The following CLASP2 variants were observed in gnomAD, a reference collection of about 807,000 sequenced individuals.
CLASP2 encodes CLIP-associating protein 2.
A neutral mutation model predicts 194.4 loss-of-function variants in CLASP2; 47 were observed. The ratio of observed to expected loss-of-function variants is 0.24; its 90% confidence interval spans 0.19 to 0.31. The LOEUF is 0.31. Among genes scored for constraint, CLASP2 ranks in the 10% least tolerant of loss-of-function variants. The pLI is 1.00. For missense variants in CLASP2, 1,445 were observed against 1,823.6 expected, an observed-to-expected ratio of 0.79 and a Z score of 3.78; for synonymous variants, 619 against 633.5, an observed-to-expected ratio of 0.98 and a Z score of 0.34.
chr3:33,595,702 C>T (rs1193469875), intron 19 of CLASP2, among the ~76,000 whole-genome samples: 2 of 151,838 alleles, frequency 1.3e-5, no homozygotes, highest in Non-Finnish European at 2.9e-5. Flanking sequence ...CCTACCCAAA[C>T]AGGAAAATAT....
At chr3:33,696,811 T>C in intron 2 of CLASP2, 44 bp downstream of exon 2, 1 of 1,231,916 alleles carries the variant, frequency 8.1e-7, no homozygotes, top group African/African-American at 1.5e-5. Context: ...AAAGTCATCA[T>C]GTCAAATCTT....
Position 33,609,169 on chromosome 3 carries a change from A to G in CLASP2, c.1389-543T>C, listed in dbSNP as rs2074568460. ...GTGGTGTATGCCTGTACTCCCAGCT[A>G]CTTGAGAGGTGGAGGCAAGAGAATC... On this transcript the variant is annotated intron_variant, in intron 13 of 38. Transcript: ENST00000682230. 2.0e-5 allele frequency among the ~76,000 whole-genome samples: 3 copies of G among 151,786 alleles called. No homozygotes were observed. The South Asian group carries it at 6.2e-4, about 32-fold the overall frequency.
intron 8 of CLASP2, among the ~76,000 whole-genome samples, chr3:33,633,289 A>C (rs1356243474): frequency 2.0e-5 from 3 of 152,116 alleles, no homozygotes; most frequent in African/African-American, 7.2e-5. Flanking sequence ...TCCTTTGACA[A>C]TGTGACTCTG....
intron 25 of CLASP2, among the ~76,000 whole-genome samples, chr3:33,571,634 CAA>C (rs749024624): frequency 8.1e-6 from 1 of 122,900 alleles, no homozygotes; most frequent in Admixed American, 8.3e-5. Context: ...GACTCTGTCT[CAA>C]AAAAAAAAAA....
In CLASP2 at chr3:33,688,322, C is replaced by A. The variant is rs751344715; in HGVS notation, c.425G>T (p.Arg142Leu). ...ACACAGACACACGCCTTCTCGAGAT[C>A]GAAAATTCTTGTGTTTAAAACCAGA... ...LASGFKHKNF[R>L]SREGVCLCLI... Residue 142 changes from arginine (R) to leucine (L), a missense_variant, in exon 4 of 39, where the codon CGA becomes CTA. By Grantham distance (102) the Arg-to-Leu change is moderately radical (BLOSUM62 -2). This residue lies in a region of CLASP2 where 332 missense variants were observed against 325.3 expected (regional missense o/e 1.02). Coordinates refer to ENST00000682230, the MANE Select transcript of CLASP2 (RefSeq NM_001365631.1). The A allele has an allele frequency of 1.9e-6, 3 of 1,592,986 alleles. No individual in the cohort carries two copies. Among genetic ancestry groups the A allele is most frequent in the African/African-American group, 1.3e-5 (1 of 74,522 alleles).
chr3:33,500,043 T>C (rs1291720805), intron 38 of CLASP2, among the ~76,000 whole-genome samples: 5 of 152,168 alleles, frequency 3.3e-5, no homozygotes, highest in Admixed American at 2.6e-4. Flanking sequence ...GTTCTACTTT[T>C]TTTTTTTGAT....
intron 6 of CLASP2, among the ~76,000 whole-genome samples, chr3:33,674,320 G>C (rs1390800270): frequency 6.6e-6 from 1 of 152,048 alleles, no homozygotes; most frequent in Non-Finnish European, 1.5e-5. Context: ...CATGGAAACT[G>C]AACAACCTGC....
chr3:33,608,282 G>A (rs2074327677), intron 14 of CLASP2, among the ~76,000 whole-genome samples: 1 of 152,098 alleles, frequency 6.6e-6, no homozygotes, highest in Non-Finnish European at 1.5e-5. Flanking sequence ...TACATCATAT[G>A]ACTAGAGATA....
chr3:33,683,722 AC>A (rs2090180305), intron 6 of CLASP2: 1 of 152,470 alleles, frequency 6.6e-6, no homozygotes, highest in South Asian at 2.1e-4. Context: ...TGGGCAGATC[AC>A]TTGAGGTCAG....
intron 1 of CLASP2, among the ~76,000 whole-genome samples, chr3:33,715,235 T>C (rs1407195883): frequency 6.6e-6 from 1 of 152,254 alleles, no homozygotes; most frequent in Non-Finnish European, 1.5e-5. Context: ...ACATGCTATC[T>C]GAAATGATCT....
intron 24 of CLASP2, chr3:33,574,581 A>T: frequency 1.4e-6 from 1 of 711,614 alleles, no homozygotes; most frequent in Non-Finnish European, 2.3e-6. Flanking sequence ...GGCATTAACA[A>T]TGCCTATGAT....
chr3:33,604,294 G>A lies in CLASP2; in HGVS notation c.1695-85C>T, dbSNP rs556631147. On this transcript the variant is annotated intron_variant, in intron 16 of 38. Coordinates refer to ENST00000682230, the MANE Select transcript of CLASP2 (RefSeq NM_001365631.1). The stretch of plus-strand genomic sequence containing the variant: ...CCAATAAAATACTACTGAATTTTGT[G>A]GAAAGTTGAGAAGTATTTCTTTTTT... The A allele has an allele frequency of 1.5e-5, 13 of 886,320 alleles. No individual in the cohort carries two copies. In the African/African-American group the frequency reaches 2.2e-4, roughly 15 times the overall value. The allele number at this position is 886,320 out of a possible 1,614,324, so 54.9% of individuals were successfully genotyped here. A position where few individuals can be genotyped will look rare whatever the true frequency, so the allele number is the denominator to read the frequency against.
At chr3:33,704,021 T>C (rs772187304) in intron 1 of CLASP2, among the ~76,000 whole-genome samples, 1 of 152,202 alleles carries the variant, frequency 6.6e-6, no homozygotes, top group East Asian at 1.9e-4. Flanking sequence ...TCAAACTGCA[T>C]GACATTTGGA....
At chr3:33,662,385 G>C (rs753733717) in intron 7 of CLASP2, among the ~76,000 whole-genome samples, 6 of 152,216 alleles carry the variant, frequency 3.9e-5, no homozygotes, top group Non-Finnish European at 5.9e-5. Flanking sequence ...GAAATTGACA[G>C]AGGTAACTGC....
intron 33 of CLASP2, 140 bp from the exon 34 acceptor site, chr3:33,535,601 G>A (rs534985550): frequency 1.5e-6 from 1 of 647,024 alleles, no homozygotes; most frequent in East Asian, 2.8e-5. Context: ...TTAAGTAATG[G>A]CAATCAACAT....
At chr3:33,525,407 C>G (rs2054256395) in intron 34 of CLASP2, among the ~76,000 whole-genome samples, 2 of 152,072 alleles carry the variant, frequency 1.3e-5, no homozygotes, top group African/African-American at 4.8e-5. Context: ...ACCTTCAACT[C>G]AAACATCCAG....
At position 33,602,974 on chromosome 3, in the gene CLASP2, A is replaced by G. The variant is rs1276246656; in HGVS notation, c.1902T>C (p.Asn634=). ...RSGRLGAGAL[N]AGSYASLEDT... Reference sequence around the variant, plus strand: ...TACCTAGTGACGCATAGGAACCTGCATTCAGGGCACCTGCACCTAAGCGCC... The same window carrying G: ...TACCTAGTGACGCATAGGAACCTGCGTTCAGGGCACCTGCACCTAAGCGCC... Residue 634 remains asparagine, a synonymous_variant, in exon 18 of 39, where the codon AAT becomes AAC. Coordinates refer to ENST00000682230, the MANE Select transcript of CLASP2 (RefSeq NM_001365631.1). 1 of 1,610,870 alleles carries G rather than the reference A, an allele frequency of 6.2e-7. No individual in the cohort carries two copies. Among genetic ancestry groups the G allele is most frequent in the East Asian group, 2.2e-5 (1 of 44,820 alleles).
chr3:33,681,892 G>A (rs908247533), intron 6 of CLASP2, among the ~76,000 whole-genome samples: 1 of 152,178 alleles, frequency 6.6e-6, no homozygotes, highest in Admixed American at 6.5e-5. Flanking sequence ...GGGCAGGGAA[G>A]AGTGAATGAG....
chr3:33,698,832 T>A (rs2092160740), intron 1 of CLASP2, among the ~76,000 whole-genome samples: 2 of 152,094 alleles, frequency 1.3e-5, no homozygotes, highest in Non-Finnish European at 2.9e-5. Context: ...AACCACACAT[T>A]ATGAGACACA....
Sources: allele counts gnomAD v4.1 joint callset (sites outside exome capture counted in the v4.1 genomes callset), GRCh38; gene constraint gnomAD v4.1.1; regional missense constraint gnomAD v4.1.1; transcripts MANE v1.5; gene names NCBI Gene and HGNC (gene_info 2026-07-23, HGNC 2026-07-21).